HECW2: variants seen among roughly 807,000 people sequenced by gnomAD.
The protein encoded by HECW2 is E3 ubiquitin-protein ligase HECW2.
Under a neutral mutation model 175.2 loss-of-function variants are expected in HECW2, and 61 were observed. The observed-to-expected ratio is 0.35, with a 90% CI of 0.28 to 0.43. The LOEUF is 0.43. Ranked by LOEUF, HECW2 falls within the 20% of genes least tolerant of loss-of-function variation. The pLI, the probability that HECW2 is intolerant of heterozygous loss-of-function variation, is 1.00. For synonymous variants in HECW2, 671 were observed against 731.0 expected (o/e 0.92, Z 1.32); for missense variants, 1,524 against 2,000.5 (o/e 0.76, Z 4.54).
At chr2:196,555,963 T>C (rs1289870995) in intron 1 of HECW2, among the ~76,000 whole-genome samples, 1 of 152,216 alleles carries the variant, frequency 6.6e-6, no homozygotes, top group South Asian at 2.1e-4. Flanking sequence ...CACGTCCTTA[T>C]GTGATTCAAC....
At chr2:196,562,710 G>A (rs1472858427) in intron 1 of HECW2, among the ~76,000 whole-genome samples, 2 of 152,098 alleles carry the variant, frequency 1.3e-5, no homozygotes, top group African/African-American at 4.8e-5. Context: ...TTCCCAGGAG[G>A]CAGCACTCAG....
At chr2:196,229,161 G>A (rs1267159874) in intron 21 of HECW2, among the ~76,000 whole-genome samples, 1 of 152,210 alleles carries the variant, frequency 6.6e-6, no homozygotes, top group Non-Finnish European at 1.5e-5. Flanking sequence ...AGATAGGGAA[G>A]GAATGCTGAA....
At chr2:196,250,064 A>G (rs1688799328) in intron 19 of HECW2, among the ~76,000 whole-genome samples, 2 of 152,232 alleles carry the variant, frequency 1.3e-5, no homozygotes, top group Admixed American at 1.3e-4. Flanking sequence ...CTTCAAGTGC[A>G]TGCCTTTAAA....
intron 1 of HECW2, among the ~76,000 whole-genome samples, chr2:196,529,020 T>A (rs574211678): frequency 6.6e-6 from 1 of 152,344 alleles, no homozygotes; most frequent in South Asian, 2.1e-4. Context: ...GACTCTCTCA[T>A]CATTTTCTCA....
intron 16 of HECW2, among the ~76,000 whole-genome samples, chr2:196,271,764 A>C (rs867690753): frequency 2.0e-5 from 3 of 152,196 alleles, no homozygotes; most frequent in Non-Finnish European, 4.4e-5. Flanking sequence ...ACAACAACAA[A>C]AAATAAATAA....
chr2:196,480,205 G>A (rs1200218011), intron 1 of HECW2, among the ~76,000 whole-genome samples: 1 of 152,086 alleles, frequency 6.6e-6, no homozygotes, highest in African/African-American at 2.4e-5. Flanking sequence ...ATCAGTTTGG[G>A]GGGTCCCTCT....
intron 3 of HECW2, among the ~76,000 whole-genome samples, chr2:196,340,719 A>G (rs73051625): frequency 0.025 from 3,820 of 152,064 alleles, 147 homozygotes; most frequent in African/African-American, 0.087. Context: ...TGGTGGGGCA[A>G]GGAGTGCTTC....
intron 14 of HECW2, 41 bp downstream of exon 14, chr2:196,292,524 A>G: frequency 6.4e-7 from 1 of 1,561,764 alleles, no homozygotes; most frequent in East Asian, 2.3e-5. Context: ...CAAGCAGCCC[A>G]CAGGCATTTG....
intron 3 of HECW2, among the ~76,000 whole-genome samples, chr2:196,336,390 C>T (rs1692551200): frequency 6.6e-6 from 1 of 152,152 alleles, no homozygotes; most frequent in Non-Finnish European, 1.5e-5. Context: ...TGGTAACATG[C>T]ATGGGGATTG....
At chr2:196,251,925 G>A (rs1015588296) in intron 19 of HECW2, among the ~76,000 whole-genome samples, 32 of 152,040 alleles carry the variant, frequency 2.1e-4, no homozygotes, top group African/African-American at 7.7e-4. Context: ...CTGGCTGGGC[G>A]TGGCAACTCA....
At chr2:196,321,982 T>A (rs1400582544) in intron 7 of HECW2, among the ~76,000 whole-genome samples, 5 of 152,224 alleles carry the variant, frequency 3.3e-5, no homozygotes, top group African/African-American at 1.2e-4. Context: ...TAAGAGAATG[T>A]CAATGAATAA....
intron 1 of HECW2, among the ~76,000 whole-genome samples, chr2:196,443,907 C>CGCCT (rs1347586055): frequency 5.3e-5 from 8 of 152,036 alleles, no homozygotes; most frequent in African/African-American, 1.9e-4. Context: ...TGGTGGCGTG[C>CGCCT]GCCTATAGTC....
intron 16 of HECW2, among the ~76,000 whole-genome samples, chr2:196,271,980 G>A (rs912866965): frequency 3.3e-5 from 5 of 152,126 alleles, no homozygotes; most frequent in African/African-American, 1.2e-4. Context: ...ATGGCAAGAT[G>A]AGGTCACCAA....
chr2:196,240,823 A>C (rs1367131033), intron 20 of HECW2, among the ~76,000 whole-genome samples: 2 of 122,166 alleles, frequency 1.6e-5, no homozygotes, highest in Non-Finnish European at 3.7e-5. Context: ...CTAAATGGTC[A>C]AATCAGTTTA....
At chr2:196,365,432 T>C (rs893001881) in intron 2 of HECW2, among the ~76,000 whole-genome samples, 1 of 152,234 alleles carries the variant, frequency 6.6e-6, no homozygotes, top group Non-Finnish European at 1.5e-5. Context: ...ATCACTTATA[T>C]ACATTATTGA....
rs972618986 is a variant in HECW2, at chr2:196,199,342, T to C, written c.*1935A>G. 2.6e-4 allele frequency: 40 copies of C among 152,740 alleles called. 1 individual carries two copies. The highest frequency in any genetic ancestry group is 8.4e-4 in the African/African-American group (35 of 41,576). The allele number at this position is 152,740 out of a possible 1,614,324, so 9.5% of individuals were successfully genotyped here. On this transcript the variant is annotated 3_prime_UTR_variant, in exon 29 of 29. Transcript: ENST00000644978. ...TTTTTCTTTTTTTCTCTTCCAATTA[T>C]AGAATACAGAGAGCTCTTCCTTTCT... is the stretch of plus-strand genomic sequence containing the variant.
chr2:196,199,914 G>A lies in HECW2; in HGVS notation c.*1363C>T, dbSNP rs918376498. On this transcript the variant is annotated 3_prime_UTR_variant, in exon 29 of 29. Transcript: ENST00000644978. ...TGCAGGCTTAGAAATATAGTTCTGA[G>A]TTTCAATTTGTGGTGTCTTCACTGA... 1 of 152,522 alleles carries A rather than the reference G, an allele frequency of 6.6e-6. No individual in the cohort carries two copies. Among genetic ancestry groups the A allele is most frequent in the African/African-American group, 2.4e-5 (1 of 41,434 alleles). 9.4% of individuals were successfully genotyped at this position (152,522 alleles called of 1,614,324 possible). A position where few individuals can be genotyped will look rare whatever the true frequency, so the allele number is the denominator to read the frequency against.
chr2:196,490,777 AAAGG>A (rs1343777768), intron 1 of HECW2, among the ~76,000 whole-genome samples: 3 of 152,374 alleles, frequency 2.0e-5, no homozygotes, highest in East Asian at 1.9e-4. Flanking sequence ...TCAGCCATAT[AAAGG>A]AAGGAAGTAG....
In HECW2 at chr2:196,241,034, C is replaced by T. The variant is rs146831919; in HGVS notation, c.3651-472G>A. ...AGAGGAAAAAAAAAATTCTCAATAT[C>T]CTCCAAAGCAGAGGAGTTTCCAATT... On this transcript the variant is annotated intron_variant, in intron 20 of 28. Transcript: ENST00000644978. Among the ~76,000 whole-genome samples the T allele has an allele frequency of 5.3e-5, 8 of 151,906 alleles. No homozygotes were observed. In the East Asian group the frequency reaches 1.5e-3, roughly 29 times the overall value.
Sources: allele counts gnomAD v4.1 joint callset (sites outside exome capture counted in the v4.1 genomes callset), GRCh38; gene constraint gnomAD v4.1.1; transcripts MANE v1.5; gene names NCBI Gene and HGNC (gene_info 2026-07-23, HGNC 2026-07-21).